FAHD1: variants seen among roughly 807,000 people sequenced by gnomAD.
FAHD1 encodes FAH domain containing oxaloacetate decarboxylase 1.
In FAHD1, 14 loss-of-function variants were observed where a neutral mutation model predicts 12.7. The ratio of observed to expected loss-of-function variants is 1.10; its 90% CI spans 0.73 to 1.72. The LOEUF (loss-of-function observed/expected upper bound fraction) is 1.72, where lower values mean the gene tolerates loss of function less well. Ranked by LOEUF, FAHD1 falls within the 40% of genes most tolerant of loss-of-function variation. FAHD1 has a pLI of 0.00. For synonymous variants in FAHD1, 153 were observed against 124.9 expected, an observed-to-expected ratio of 1.22 and a Z score of -1.50; for missense variants, 351 against 298.9, an observed-to-expected ratio of 1.17 and a Z score of -1.29.
At chr16:1,834,494 A>T in intron 1 of FAHD1, 1 of 563,942 alleles carries the variant, frequency 1.8e-6, no homozygotes, top group Non-Finnish European at 3.1e-6. Flanking sequence ...ACTAATATAA[A>T]CTTCCATTAG....
downstream of FAHD1, among the ~76,000 whole-genome samples, chr16:1,829,591 A>T (rs35148647): frequency 0.18 from 27,007 of 152,076 alleles, 2,554 homozygotes; most frequent in South Asian, 0.27. Context: ...AAATTATAAT[A>T]TAGTATGAGG....
At chr16:1,828,788 A>G (rs763585750) in exon 1 of FAHD1, 2 of 996,464 alleles carry the variant, frequency 2.0e-6, no homozygotes, top group African/African-American at 3.5e-5. Context: ...ATTTTACTTA[A>G]TAAGTGAACA....
At chr16:1,834,792 G>A (rs1479094214) in intron 1 of FAHD1, among the ~76,000 whole-genome samples, 6 of 151,950 alleles carry the variant, frequency 3.9e-5, no homozygotes, top group African/African-American at 1.2e-4. Context: ...AAAATTAGCC[G>A]GGCATGGTGG....
chr16:1,833,306 C>T (rs1898655951), downstream of FAHD1, among the ~76,000 whole-genome samples: 1 of 152,124 alleles, frequency 6.6e-6, no homozygotes, highest in Non-Finnish European at 1.5e-5. Context: ...AGTTGGTCTC[C>T]TCCCAGTTGA....
At chr16:1,834,008 A>T in intron 1 of FAHD1, 1 of 358,914 alleles carries the variant, frequency 2.8e-6, no homozygotes, top group Non-Finnish European at 5.0e-6. Flanking sequence ...TCTGTTTATT[A>T]ATTCATGTAA....
exon 1 of FAHD1, chr16:1,828,591 T>G (rs539343917): frequency 1.0e-6 from 1 of 999,874 alleles, no homozygotes; most frequent in East Asian, 1.1e-4. Flanking sequence ...CCAAATTTTC[T>G]TAGATTTGGT....
At chr16:1,839,353 G>A (rs1179743183) in exon 3 of FAHD1, 1 of 1,614,138 alleles carries the variant, frequency 6.2e-7, no homozygotes, top group East Asian at 2.2e-5. Flanking sequence ...TGGAAACTGA[G>A]AAAGACAGAT....
At chr16:1,839,787 G>C (rs942575349) in exon 3 of FAHD1, 21 of 189,080 alleles carry the variant, frequency 1.1e-4, no homozygotes, top group African/African-American at 4.7e-4. Flanking sequence ...CAGAGTGCAC[G>C]CCTCAGGACT....
chr16:1,839,003 T>A (rs113524865), intron 2 of FAHD1, among the ~76,000 whole-genome samples: 26 of 152,326 alleles, frequency 1.7e-4, no homozygotes, highest in African/African-American at 6.0e-4. Context: ...TAAAACATCA[T>A]GTTTATTTAT....
chr16:1,827,267 T>C (rs1244928443), exon 1 of FAHD1: 4 of 1,612,024 alleles, frequency 2.5e-6, no homozygotes, highest in Non-Finnish European at 3.4e-6. Context: ...TTGTCCCGCT[T>C]CTGGGAGTGG....
chr16:1,832,178 C>CTTTTTTTTTTT (rs57889123), downstream of FAHD1, among the ~76,000 whole-genome samples: 44 of 108,784 alleles, frequency 4.0e-4, 3 homozygotes, highest in East Asian at 5.7e-4. Flanking sequence ...TATGGTCATT[C>CTTTTTTTTTTT]TTTTTTTTTT....
chr16:1,827,215 C>T (rs1027883144), exon 1 of FAHD1: 5 of 1,591,750 alleles, frequency 3.1e-6, no homozygotes, highest in Non-Finnish European at 3.4e-6. Context: ...GCCCACGTGA[C>T]TACAGGGGCA....
At chr16:1,828,056 C>A in exon 1 of FAHD1, 1 of 1,349,308 alleles carries the variant, frequency 7.4e-7, no homozygotes, top group Non-Finnish European at 9.8e-7. Flanking sequence ...CCGAGGCGGG[C>A]GGCTCACGAC....
exon 3 of FAHD1, chr16:1,839,401 T>C (rs763807926): frequency 1.2e-6 from 2 of 1,613,366 alleles, no homozygotes; most frequent in Non-Finnish European, 1.7e-6. Flanking sequence ...GTTGTGCACA[T>C]GTTAGATGCT....
chr16:1,831,635 A>G (rs780239523), downstream of FAHD1, among the ~76,000 whole-genome samples: 2 of 152,088 alleles, frequency 1.3e-5, no homozygotes, highest in Non-Finnish European at 2.9e-5. Flanking sequence ...CATCCTCCAT[A>G]TACTCTACAG....
chr16:1,833,357 A>G (rs535965596), downstream of FAHD1, among the ~76,000 whole-genome samples: 21 of 152,112 alleles, frequency 1.4e-4, no homozygotes, highest in African/African-American at 4.6e-4. Flanking sequence ...GCAAGCCTCC[A>G]CAAGCACTGG....
At chr16:1,828,469 C>G in exon 1 of FAHD1, 1 of 1,000,782 alleles carries the variant, frequency 1.0e-6, no homozygotes, top group Non-Finnish European at 1.2e-6. Flanking sequence ...TTTTGTAAAA[C>G]TGGATTAGAG....
chr16:1,837,751 A>G (rs766265486), intron 1 of FAHD1: 50 of 1,065,360 alleles, frequency 4.7e-5, no homozygotes, highest in Admixed American at 1.9e-4. Flanking sequence ...TAATAAATAT[A>G]TAGAATAATA....
intron 1 of FAHD1, among the ~76,000 whole-genome samples, chr16:1,835,808 C>T (rs1898729335): frequency 6.6e-6 from 1 of 152,090 alleles, no homozygotes; most frequent in African/African-American, 2.4e-5. Flanking sequence ...ACAAGCAAAC[C>T]CATTCAGCAT....
Sources: allele counts gnomAD v4.1 joint callset (sites outside exome capture counted in the v4.1 genomes callset), GRCh38; gene constraint gnomAD v4.1.1; transcripts MANE v1.5; gene names NCBI Gene and HGNC (gene_info 2026-07-23, HGNC 2026-07-21).